The following LPA variants were observed in gnomAD, a reference collection of about 807,000 sequenced individuals.
The protein encoded by LPA is lipoprotein(a).
In LPA, 199 loss-of-function variants were observed where a neutral mutation model predicts 197.9. That is an observed-to-expected ratio of 1.01 (90% CI 0.90 to 1.13). The LOEUF (loss-of-function observed/expected upper bound fraction) is 1.13. Among genes scored for constraint, LPA ranks in the 50% most tolerant of loss-of-function variants. The probability of loss-of-function intolerance (pLI) is 0.00; values close to 1 mark genes in which losing one functional copy is unlikely to be tolerated. For synonymous variants in LPA, 715 were observed against 639.5 expected (o/e 1.12, Z -1.78); for missense variants, 1,853 against 1,785.8 (o/e 1.04, Z -0.68).
At chr6:160,538,083 A>C (rs1777921050) in intron 36 of LPA, 122 bp from the exon 37 acceptor site, 2 of 783,298 alleles carry the variant, frequency 2.6e-6, no homozygotes, top group African/African-American at 1.7e-5. Context: ...TGCTTCACTG[A>C]CACAGAACAA....
In LPA at chr6:160,599,481, G is replaced by A. The variant is rs775773140; in HGVS notation, c.3287+19C>T. On this transcript the variant is annotated intron_variant, in intron 20 of 38. Transcript: ENST00000316300. ...TCCATTGGCCCTTCCTTCGCTTATG[G>A]TAAAGAACAAAGACGTACGCATTTG... 38 of 1,612,882 alleles carry A rather than the reference G, an allele frequency of 2.4e-5. No individual in the cohort carries two copies. The highest frequency in any genetic ancestry group is 3.1e-5 in the Non-Finnish European group (37 of 1,179,782).
At chr6:160,550,729 TC>T (rs1778154339) in intron 30 of LPA, among the ~76,000 whole-genome samples, 1 of 152,228 alleles carries the variant, frequency 6.6e-6, no homozygotes, top group Admixed American at 6.5e-5. Flanking sequence ...GATATTGGTT[TC>T]TTTCACCAGA....
chr6:160,598,408 A>G (rs41271018), intron 20 of LPA, among the ~76,000 whole-genome samples: 1 of 152,188 alleles, frequency 6.6e-6, no homozygotes, highest in East Asian at 1.9e-4. Context: ...ACATGGCTAC[A>G]GTCAGCTTGG....
intron 37 of LPA, among the ~76,000 whole-genome samples, chr6:160,536,181 G>A (rs1300787949): frequency 1.3e-5 from 2 of 152,120 alleles, no homozygotes; most frequent in Non-Finnish European, 2.9e-5. Context: ...CAGCACCACA[G>A]CATCTGCAGC....
chr6:160,532,445 TG>T, intron 38 of LPA, 85 bp downstream of exon 38: 1 of 1,099,286 alleles, frequency 9.1e-7, no homozygotes, highest in Non-Finnish European at 1.4e-6. Context: ...AAAACCTTCC[TG>T]AATTTGCCAC....
At position 160,606,547 on chromosome 6, in the gene LPA, G is replaced by A. The variant is rs748928708; in HGVS notation, c.2715C>T (p.Asp905=). The change falls in exon 17 of 39, where the codon GAC becomes GAT. Residue 905 remains aspartate (D), a synonymous_variant. Transcript: ENST00000316300. The part of the protein sequence containing the change: ...WEYCNLTQCS[D]AEGTAVAPPT... ...GAGGCGCGACGGCAGTCCCTTCTGC[G>A]TCTGAGCATTGTGTCAGGTTGCAGT... The A allele has an allele frequency of 5.0e-6, 8 of 1,613,630 alleles. No homozygotes were observed. Among genetic ancestry groups the A allele is most frequent in the East Asian group, 2.2e-5 (1 of 44,880 alleles).
At chr6:160,646,995 C>G (rs1354507881) in intron 2 of LPA, among the ~76,000 whole-genome samples, 1 of 152,204 alleles carries the variant, frequency 6.6e-6, no homozygotes, top group Non-Finnish European at 1.5e-5. Context: ...TACTGTCTGT[C>G]ATTCCCATAT....
intron 14 of LPA, among the ~76,000 whole-genome samples, chr6:160,615,368 G>C (rs1779576861): frequency 7.2e-6 from 1 of 138,226 alleles, no homozygotes; most frequent in Non-Finnish European, 1.6e-5. Context: ...GTGTGTGTGT[G>C]TGTGTGTGTG....
intron 28 of LPA, among the ~76,000 whole-genome samples, chr6:160,568,001 T>G (rs1778490329): frequency 6.6e-6 from 1 of 152,110 alleles, no homozygotes; most frequent in African/African-American, 2.4e-5. Flanking sequence ...AGGCAATAAT[T>G]AAGAGCCTAC....
chr6:160,573,056 C>A lies in LPA; in HGVS notation c.4631+4080G>T, dbSNP rs1037548864. ...AAGCTTTTAGTATTGTCTTTTTCCT[C>A]AGGAGCCACGATTATTCTTATATTT... On this transcript the variant is annotated intron_variant, in intron 28 of 38. Transcript: ENST00000316300. Among the ~76,000 whole-genome samples, 5 of 152,248 alleles carry A rather than the reference C, an allele frequency of 3.3e-5. No homozygotes were observed. The East Asian group carries it at 9.6e-4, about 29-fold the overall frequency.
At chr6:160,548,074 C>G in intron 31 of LPA, 137 bp from the exon 32 acceptor site, 1 of 812,772 alleles carries the variant, frequency 1.2e-6, no homozygotes. Context: ...CCCTCAGGAG[C>G]CACAACGCTG....
At chr6:160,655,397 G>A (rs1021060555) in intron 1 of LPA, among the ~76,000 whole-genome samples, 1 of 152,162 alleles carries the variant, frequency 6.6e-6, no homozygotes, top group African/African-American at 2.4e-5. Flanking sequence ...GGGTCATGTG[G>A]CCCAAATGGC....
intron 6 of LPA, among the ~76,000 whole-genome samples, chr6:160,637,263 TGTG>T (rs1779814885): frequency 2.4e-5 from 1 of 41,652 alleles, no homozygotes; most frequent in African/African-American, 1.1e-4. Context: ...AAATTCCCTA[TGTG>T]ATCCCTTGAG....
chr6:160,575,634 C>CT (rs1328955854), intron 28 of LPA, among the ~76,000 whole-genome samples: 1 of 152,146 alleles, frequency 6.6e-6, no homozygotes, highest in Non-Finnish European at 1.5e-5. Context: ...CAAAGAGTGG[C>CT]TTTTCTGGGG....
At chr6:160,599,682 C>A (rs1779201624) in intron 19 of LPA, 23 bp from the exon 20 acceptor site, 2 of 1,613,484 alleles carry the variant, frequency 1.2e-6, no homozygotes, top group South Asian at 2.2e-5. Flanking sequence ...CAGAAGACAT[C>A]AAGCTTATTA....
At chr6:160,589,742 A>T (rs1778989168) in intron 23 of LPA, 30 bp from the exon 24 acceptor site, 5 of 1,612,968 alleles carry the variant, frequency 3.1e-6, no homozygotes, top group Non-Finnish European at 4.2e-6. Context: ...AAACAAACTG[A>T]GTAATTTCCA....
rs1302313039 is a variant in LPA at position 160,532,563 on chromosome 6, C to T, written c.5929G>A (p.Glu1977Lys). 2 of 1,612,722 alleles carry T rather than the reference C, an allele frequency of 1.2e-6. No individual in the cohort carries two copies. The highest frequency in any genetic ancestry group is 1.3e-5 in the African/African-American group (1 of 75,018). The change falls in exon 38 of 39, where the codon GAG becomes AAG. Residue 1977 changes from glutamate to lysine, a missense_variant. Physicochemically the swap from Glu to Lys is moderately conservative, Grantham distance 56 (BLOSUM62 1). Around this residue, in one of 3 missense-constraint regions of LPA, gnomAD observed 1,737 missense variants for 1,504.4 expected, o/e 1.15. Transcript: ENST00000316300. ...CTGTCAGTGCCTCTGGCCAAATGCT[C>T]AGCACAAATATACTTATAGTGATTG... is the stretch of plus-strand genomic sequence containing the variant. ...VCNHYKYICA[E>K]HLARGTDSCQ...
chr6:160,558,242 A>T (rs1778302816), intron 28 of LPA, among the ~76,000 whole-genome samples: 1 of 151,974 alleles, frequency 6.6e-6, no homozygotes, highest in Non-Finnish European at 1.5e-5. Flanking sequence ...ATGCACATAA[A>T]AATGTATTGG....
chr6:160,584,492 C>A (rs566171091), intron 26 of LPA, among the ~76,000 whole-genome samples: 3 of 151,566 alleles, frequency 2.0e-5, no homozygotes, highest in African/African-American at 4.9e-5. Context: ...CCACCATGAC[C>A]GGCTAATTTT....
Sources: allele counts gnomAD v4.1 joint callset (sites outside exome capture counted in the v4.1 genomes callset), GRCh38; gene constraint gnomAD v4.1.1; regional missense constraint gnomAD v4.1.1; transcripts MANE v1.5; gene names NCBI Gene and HGNC (gene_info 2026-07-23, HGNC 2026-07-21).